The following PKNOX1 variants were observed in gnomAD, a reference collection of about 807,000 sequenced individuals.
The protein encoded by PKNOX1 is homeobox protein PKNOX1.
Under a neutral mutation model 51.9 loss-of-function variants are expected in PKNOX1, and 15 were observed. That is an observed-to-expected ratio of 0.29 (90% CI 0.19 to 0.45). PKNOX1 has a LOEUF of 0.45. PKNOX1 is among the 20% of genes least tolerant of loss of function. The pLI is 1.00. For synonymous variants in PKNOX1, 219 were observed against 211.1 expected (o/e 1.04, Z -0.32); for missense variants, 462 against 547.5 (o/e 0.84, Z 1.56).
chr21:43,000,138 C>A (rs1978686661), intron 1 of PKNOX1, among the ~76,000 whole-genome samples: 1 of 152,132 alleles, frequency 6.6e-6, no homozygotes, highest in Admixed American at 6.5e-5. Context: ...TCCAAACTTT[C>A]CCACATTTTC....
intron 2 of PKNOX1, 79 bp from the exon 3 acceptor site, chr21:43,007,412 A>G (rs373402968): frequency 2.2e-5 from 31 of 1,388,816 alleles, no homozygotes; most frequent in South Asian, 1.7e-4. Context: ...TCCCCACTCC[A>G]ACTGCATTCC....
chr21:43,004,330 C>T lies in PKNOX1; in HGVS notation c.-52C>T. The T allele has an allele frequency of 8.4e-7, 1 of 1,193,986 alleles. No individual in the cohort carries two copies. The highest frequency in any genetic ancestry group is 1.3e-6 in the Non-Finnish European group (1 of 797,626). The allele number at this position is 1,193,986 out of a possible 1,614,324, so 74.0% of individuals were successfully genotyped here. ...TTTTCTGGTTTTGTTCTCCAGACAC[C>T]ATTCGCTTTTCACCCAAGATGATTT... On this transcript the variant is annotated 5_prime_UTR_variant, in exon 2 of 11. Coordinates refer to ENST00000291547, the MANE Select transcript of PKNOX1 (RefSeq NM_004571.5).
intron 1 of PKNOX1, among the ~76,000 whole-genome samples, chr21:42,987,404 A>AAAAAAAAAAATATAT: frequency 4.8e-5 from 2 of 41,410 alleles, no homozygotes; most frequent in African/African-American, 1.9e-4. Flanking sequence ...AAAAAAAAAA[A>AAAAAAAAAAATATAT]ATATATATAT....
At chr21:43,014,262 C>T (rs1444776059) in intron 5 of PKNOX1, among the ~76,000 whole-genome samples, 1 of 152,082 alleles carries the variant, frequency 6.6e-6, no homozygotes. Flanking sequence ...ACCTCGTGAT[C>T]CGCCCGCCTT....
intron 1 of PKNOX1, among the ~76,000 whole-genome samples, chr21:42,993,506 A>G (rs1978334222): frequency 6.7e-6 from 1 of 149,864 alleles, no homozygotes; most frequent in Non-Finnish European, 1.5e-5. Context: ...TCGTAAAAAC[A>G]TCACAATTCT....
At chr21:43,008,230 G>A (rs968335172) in intron 3 of PKNOX1, among the ~76,000 whole-genome samples, 1 of 152,098 alleles carries the variant, frequency 6.6e-6, no homozygotes, top group African/African-American at 2.4e-5. Context: ...GAAGAAGAGA[G>A]CAGCAAGTCT....
intron 5 of PKNOX1, among the ~76,000 whole-genome samples, chr21:43,015,875 G>T (rs1232848882): frequency 2.0e-5 from 3 of 151,496 alleles, no homozygotes; most frequent in Non-Finnish European, 2.9e-5. Context: ...ACAGTATTTT[G>T]TTTTATTGAT....
chr21:42,997,654 A>G (rs234755), intron 1 of PKNOX1, among the ~76,000 whole-genome samples: 137,328 of 152,270 alleles, frequency 0.9, 62,065 homozygotes, highest in African/African-American at 0.93. Context: ...AGTACTGCGG[A>G]GCTGAGCAGA....
intron 7 of PKNOX1, 96 bp downstream of exon 7, chr21:43,018,326 GC>G: frequency 1.4e-6 from 1 of 738,040 alleles, no homozygotes; most frequent in East Asian, 2.6e-5. Context: ...TGCCTGAAGA[GC>G]TTTGTCTTGT....
At chr21:43,028,654 G>A (rs1451898060) in intron 9 of PKNOX1, 48 bp from the exon 10 acceptor site, 9 of 1,566,806 alleles carry the variant, frequency 5.7e-6, no homozygotes, top group African/African-American at 1.4e-5. Context: ...CCTGTATAGG[G>A]TCTTTACGAA....
intron 1 of PKNOX1, among the ~76,000 whole-genome samples, chr21:42,988,767 C>T (rs1217265780): frequency 1.3e-5 from 2 of 152,080 alleles, no homozygotes; most frequent in South Asian, 2.1e-4. Flanking sequence ...AGGGCTGGCC[C>T]AGGAACGGAG....
At chr21:43,024,800 A>G in intron 8 of PKNOX1, 71 bp from the exon 9 acceptor site, 2 of 954,046 alleles carry the variant, frequency 2.1e-6, no homozygotes, top group Non-Finnish European at 3.4e-6. Flanking sequence ...TAATGCTCAC[A>G]TTTTGCCTAA....
intron 7 of PKNOX1, chr21:43,020,354 T>C (rs1304325673): frequency 6.6e-6 from 1 of 152,344 alleles, no homozygotes; most frequent in African/African-American, 2.4e-5. Flanking sequence ...GGCAGCATCA[T>C]CTCAGCAGGC....
At chr21:42,974,759 C>CGCCGCT (rs1175783880) in intron 1 of PKNOX1, 95 bp downstream of exon 1, 1 of 161,616 alleles carries the variant, frequency 6.2e-6, no homozygotes, top group African/African-American at 2.4e-5. Context: ...CGCCCGCCGC[C>CGCCGCT]GCCGCTGCCG....
chr21:43,028,525 A>C (rs533856525), intron 9 of PKNOX1, 177 bp from the exon 10 acceptor site: 1 of 656,144 alleles, frequency 1.5e-6, no homozygotes, highest in South Asian at 1.9e-5. Context: ...GTTTCTGGGC[A>C]TTTAGAGAAT....
chr21:42,980,454 G>A (rs1362545840), intron 1 of PKNOX1, among the ~76,000 whole-genome samples: 1 of 152,158 alleles, frequency 6.6e-6, no homozygotes, highest in Non-Finnish European at 1.5e-5. Context: ...CCTATTTGCG[G>A]CTTACACTTT....
chr21:43,019,230 T>C (rs922575742), intron 7 of PKNOX1, among the ~76,000 whole-genome samples: 34 of 147,998 alleles, frequency 2.3e-4, no homozygotes, highest in African/African-American at 7.7e-4. Flanking sequence ...CCGTCTCTAC[T>C]AAAGATGCAA....
At chr21:43,012,646 A>G (rs1979305767) in intron 4 of PKNOX1, among the ~76,000 whole-genome samples, 1 of 152,252 alleles carries the variant, frequency 6.6e-6, no homozygotes, top group Admixed American at 6.5e-5. Context: ...AACTAGGCAA[A>G]GACACCAAAA....
intron 1 of PKNOX1, among the ~76,000 whole-genome samples, chr21:42,987,404 A>ATATATATATATATATAT (rs1555858104): frequency 9.7e-5 from 4 of 41,400 alleles, no homozygotes; most frequent in African/African-American, 2.8e-4. Flanking sequence ...AAAAAAAAAA[A>ATATATATATATATATAT]ATATATATAT....
Sources: allele counts gnomAD v4.1 joint callset (sites outside exome capture counted in the v4.1 genomes callset), GRCh38; gene constraint gnomAD v4.1.1; transcripts MANE v1.5; gene names NCBI Gene and HGNC (gene_info 2026-07-23, HGNC 2026-07-21).